PTPRD: variants seen among roughly 807,000 people sequenced by gnomAD.
The protein encoded by PTPRD is receptor-type tyrosine-protein phosphatase delta.
In PTPRD, 34 loss-of-function variants were observed where a neutral mutation model predicts 214.5. That is an observed-to-expected ratio of 0.16 (90% confidence interval 0.12 to 0.21). The LOEUF is 0.21. Ranked by LOEUF, PTPRD falls within the 10% of genes least tolerant of loss-of-function variation. The probability of loss-of-function intolerance (pLI) is 1.00; values close to 1 mark genes in which losing one functional copy is unlikely to be tolerated. For missense variants in PTPRD, 2,545 were observed against 2,398.7 expected (o/e 1.06, Z -1.27); for synonymous variants, 1,128 against 845.7 (o/e 1.33, Z -5.79).
intron 4 of PTPRD, among the ~76,000 whole-genome samples, chr9:9,997,993 A>T (rs2096187251): frequency 6.6e-6 from 1 of 151,762 alleles, no homozygotes; most frequent in Non-Finnish European, 1.5e-5. Flanking sequence ...CCATATGCAA[A>T]TCAGACACCT....
intron 3 of PTPRD, among the ~76,000 whole-genome samples, chr9:10,232,883 T>C (rs541231225): frequency 6.6e-6 from 1 of 152,162 alleles, no homozygotes; most frequent in African/African-American, 2.4e-5. Context: ...ATACGTTTTA[T>C]GTGACTTGAA....
Position 8,914,865 on chromosome 9 carries a change from A to G in PTPRD, c.-104+103832T>C, listed in dbSNP as rs570179446. 5.3e-5 allele frequency among the ~76,000 whole-genome samples: 8 copies of G among 152,220 alleles called. No homozygotes were observed. In the East Asian group the frequency reaches 1.5e-3, roughly 29 times the overall value. On this transcript the variant is annotated intron_variant, in intron 11 of 45. Coordinates refer to ENST00000381196, the MANE Select transcript of PTPRD (RefSeq NM_002839.4). ...TACTGGATTTTATTATTGTTTTTAG[A>G]TCCTCTGCAGACAACACACCCCTTT...
intron 7 of PTPRD, among the ~76,000 whole-genome samples, chr9:9,731,985 G>C (rs969814049): frequency 1.3e-5 from 2 of 152,122 alleles, no homozygotes; most frequent in African/African-American, 4.8e-5. Context: ...ACAGTGTAAG[G>C]TAAAGTGCTA....
Position 9,550,386 on chromosome 9 carries a change from T to C in PTPRD, c.-237+24346A>G, listed in dbSNP as rs372822989. On this transcript the variant is annotated intron_variant, in intron 8 of 45. Coordinates refer to ENST00000381196, the MANE Select transcript of PTPRD (RefSeq NM_002839.4). ...TATTTCTCATATACATATAGTTCTC[T>C]CTCTATATATATGAAATGTATAATT... 4.0e-4 allele frequency among the ~76,000 whole-genome samples: 58 copies of C among 146,834 alleles called. No homozygotes were observed. The East Asian group carries it at 0.011, about 27-fold the overall frequency.
intron 12 of PTPRD, chr9:8,713,205 C>G (rs576643901): frequency 5.2e-6 from 3 of 576,374 alleles, no homozygotes; most frequent in East Asian, 2.9e-5. Flanking sequence ...AACATTTGAT[C>G]TGAAATTTGG....
Position 10,482,388 on chromosome 9 carries a change from A to G in PTPRD, c.-600+130010T>C, listed in dbSNP as rs186607696. Among the ~76,000 whole-genome samples the G allele has an allele frequency of 1.8e-3, 271 of 151,926 alleles. 1 individual carries two copies. The highest frequency in any genetic ancestry group is 5.1e-3 in the African/African-American group (211 of 41,492). The stretch of plus-strand genomic sequence containing the variant: ...TCCGTTTCAATAAATAAATAAATAA[A>G]TAAGTAAATAAATAAATCAATCAAT... On this transcript the variant is annotated intron_variant, in intron 2 of 45. Coordinates refer to ENST00000381196, the MANE Select transcript of PTPRD (RefSeq NM_002839.4).
chr9:10,171,681 C>A (rs1005573981), intron 3 of PTPRD, among the ~76,000 whole-genome samples: 93 of 152,144 alleles, frequency 6.1e-4, no homozygotes, highest in African/African-American at 2.0e-3. Flanking sequence ...CCCGCTACCA[C>A]GCCCGGCTAA....
intron 2 of PTPRD, among the ~76,000 whole-genome samples, chr9:10,456,758 A>G (rs565677298): frequency 4.6e-5 from 7 of 151,880 alleles, no homozygotes; most frequent in Non-Finnish European, 1.0e-4. Context: ...AGTCTATTTT[A>G]TACTTCCTTA....
At chr9:8,841,880 G>A (rs10156399) in intron 11 of PTPRD, among the ~76,000 whole-genome samples, 13,407 of 151,656 alleles carry the variant, frequency 0.088, 800 homozygotes, top group South Asian at 0.17. Context: ...GTGTGGTGGC[G>A]GACACCGGTA....
chr9:9,037,864 T>C (rs1014026389), intron 10 of PTPRD, among the ~76,000 whole-genome samples: 1 of 152,292 alleles, frequency 6.6e-6, no homozygotes, highest in African/African-American at 2.4e-5. Flanking sequence ...TGATTTTCAC[T>C]GTGCTGACTA....
intron 10 of PTPRD, among the ~76,000 whole-genome samples, chr9:9,175,631 A>ACAAACAAAC (rs948106810): frequency 6.0e-5 from 3 of 50,112 alleles, no homozygotes; most frequent in African/African-American, 1.3e-4. Flanking sequence ...TCAAAAAAAA[A>ACAAACAAAC]AAAAAAAAAA....
intron 3 of PTPRD, among the ~76,000 whole-genome samples, chr9:10,283,111 C>A (rs2154395385): frequency 6.7e-6 from 1 of 149,390 alleles, no homozygotes; most frequent in South Asian, 2.2e-4. Context: ...TTCCTCAAAA[C>A]CTGCCTGCAT....
At chr9:8,965,772 C>G (rs1324319144) in intron 11 of PTPRD, among the ~76,000 whole-genome samples, 3 of 151,996 alleles carry the variant, frequency 2.0e-5, no homozygotes, top group African/African-American at 7.2e-5. Context: ...AACATAGCAT[C>G]AGAAGTTCTA....
chr9:9,580,751 G>A (rs111721875), intron 7 of PTPRD, among the ~76,000 whole-genome samples: 23 of 151,820 alleles, frequency 1.5e-4, no homozygotes, highest in African/African-American at 5.6e-4. Flanking sequence ...CTTTCAGCAC[G>A]TTGGCCAGGG....
At chr9:9,309,976 G>C (rs1208567010) in intron 9 of PTPRD, among the ~76,000 whole-genome samples, 1 of 151,920 alleles carries the variant, frequency 6.6e-6, no homozygotes, top group Non-Finnish European at 1.5e-5. Flanking sequence ...ATAGGATTAA[G>C]TTTAAAATCA....
intron 3 of PTPRD, among the ~76,000 whole-genome samples, chr9:10,093,280 T>C (rs887770064): frequency 2.0e-5 from 3 of 150,854 alleles, no homozygotes; most frequent in African/African-American, 4.9e-5. Context: ...AAAAAATGAG[T>C]AAAAGACAGG....
intron 14 of PTPRD, among the ~76,000 whole-genome samples, chr9:8,566,159 T>G (rs148315878): frequency 1.2e-4 from 18 of 145,516 alleles, no homozygotes; most frequent in African/African-American, 4.5e-4. Context: ...GTTTCATTTA[T>G]AGACCAATGC....
rs1567063547 is a variant in PTPRD, at chr9:8,929,849, A to ATATATGTATATATGTG, written c.-104+88847_-104+88848insCACATATATACATATA. 3.2e-5 allele frequency among the ~76,000 whole-genome samples: 4 copies of ATATATGTATATATGTG among 124,568 alleles called. 1 individual carries two copies. Among genetic ancestry groups the ATATATGTATATATGTG allele is most frequent in the African/African-American group, 1.4e-4 (4 of 27,756 alleles). 81.7% of individuals were successfully genotyped at this position (124,568 alleles called of 152,430 possible). A position where few individuals can be genotyped will look rare whatever the true frequency, so the allele number is the denominator to read the frequency against. Reference sequence around the variant, plus strand: ...TATATATGTGTATATATATGTGTGTATATATATGTGTATATACATGTGTGT... The same window carrying ATATATGTATATATGTG: ...TATATATGTGTATATATATGTGTGTATATATGTATATATGTGTATATATGTGTATATACATGTGTGT... On this transcript the variant is annotated intron_variant, in intron 11 of 45. Coordinates refer to ENST00000381196, the MANE Select transcript of PTPRD (RefSeq NM_002839.4).
chr9:9,542,382 A>C (rs1022075292), intron 8 of PTPRD, among the ~76,000 whole-genome samples: 1 of 151,764 alleles, frequency 6.6e-6, no homozygotes, highest in Non-Finnish European at 1.5e-5. Context: ...CAAGCTTTGA[A>C]GGAGTCCAAT....
Sources: allele counts gnomAD v4.1 joint callset (sites outside exome capture counted in the v4.1 genomes callset), GRCh38; gene constraint gnomAD v4.1.1; transcripts MANE v1.5; gene names NCBI Gene and HGNC (gene_info 2026-07-23, HGNC 2026-07-21).